The following PPFIBP1 variants were observed in gnomAD, a reference collection of about 807,000 sequenced individuals.
The protein encoded by PPFIBP1 is liprin-beta-1.
In PPFIBP1, 112 loss-of-function variants were observed where a neutral mutation model predicts 137.8. The ratio of observed to expected loss-of-function variants is 0.81; its 90% confidence interval spans 0.70 to 0.95. PPFIBP1 has a LOEUF of 0.95. Among genes scored for constraint, PPFIBP1 ranks in the 40% least tolerant of loss-of-function variants. The pLI, the probability that PPFIBP1 is intolerant of heterozygous loss-of-function variation, is 0.00. For missense variants in PPFIBP1, 1,083 were observed against 1,196.6 expected (o/e 0.91, Z 1.40); for synonymous variants, 378 against 417.3 (o/e 0.91, Z 1.15).
At chr12:27,624,957 T>C (rs528396682) in intron 2 of PPFIBP1, among the ~76,000 whole-genome samples, 82 of 152,318 alleles carry the variant, frequency 5.4e-4, no homozygotes, top group African/African-American at 1.9e-3. Flanking sequence ...TATGGAAAGC[T>C]TCAAATATAT....
intron 2 of PPFIBP1, among the ~76,000 whole-genome samples, chr12:27,589,811 ATCTT>A (rs2052272751): frequency 6.6e-6 from 1 of 152,186 alleles, no homozygotes; most frequent in South Asian, 2.1e-4. Context: ...AAGATATGTC[ATCTT>A]TCTTTCAGGC....
rs1459703320 is a variant in PPFIBP1, at chr12:27,599,553, TTTCA to T, written c.-36+21316_-36+21319del. ...TCCTGCCTTCCTTCCTTCCTTTTTCTTTCATCTTTCTCCTTCCTTCCTTTCATCC... is the reference window on the plus strand; with the variant it reads ...TCCTGCCTTCCTTCCTTCCTTTTTCTTCTTTCTCCTTCCTTCCTTTCATCC... On this transcript the variant is annotated intron_variant, in intron 2 of 29. Coordinates refer to ENST00000228425, the MANE Select transcript of PPFIBP1 (RefSeq NM_003622.4). 5 of 454,154 alleles carry T rather than the reference TTTCA, an allele frequency of 1.1e-5. No homozygotes were observed. In the East Asian group the frequency reaches 2.8e-4, roughly 25 times the overall value. 28.1% of individuals were successfully genotyped at this position (454,154 alleles called of 1,614,324 possible).
At chr12:27,619,765 A>G (rs2056147995) in intron 2 of PPFIBP1, among the ~76,000 whole-genome samples, 1 of 152,184 alleles carries the variant, frequency 6.6e-6, no homozygotes, top group African/African-American at 2.4e-5. Context: ...ACATAGGTGT[A>G]TGTATTTGTC....
intron 1 of PPFIBP1, among the ~76,000 whole-genome samples, chr12:27,574,099 C>A (rs1438332618): frequency 6.6e-6 from 1 of 152,052 alleles, no homozygotes; most frequent in Non-Finnish European, 1.5e-5. Flanking sequence ...ATCATATAAA[C>A]CTATCTTTCA....
At chr12:27,610,325 G>A (rs563738038) in intron 2 of PPFIBP1, among the ~76,000 whole-genome samples, 5 of 152,292 alleles carry the variant, frequency 3.3e-5, no homozygotes, top group Admixed American at 6.5e-5. Context: ...GACATTGTAT[G>A]TTTGCCTTTC....
chr12:27,620,316 G>A (rs1317596487), intron 2 of PPFIBP1, among the ~76,000 whole-genome samples: 1 of 152,126 alleles, frequency 6.6e-6, no homozygotes, highest in Non-Finnish European at 1.5e-5. Context: ...CACGCCTTCT[G>A]TGCCTCTGGG....
rs142750566 is a variant in PPFIBP1, at chr12:27,687,581, G to A, written c.2370+74G>A. ...GACTGTCCATGTGTCGAAACTAAGA[G>A]CCATTTTTCTTGGAGCCTGCAGGAA... On this transcript the variant is annotated intron_variant, in intron 25 of 29. Transcript: ENST00000228425. 3,960 of 1,491,452 alleles carry A rather than the reference G, an allele frequency of 2.7e-3. 11 individuals carry two copies. The highest frequency in any genetic ancestry group is 0.01 in the Middle Eastern group (42 of 4,118). The allele number at this position is 1,491,452 out of a possible 1,614,324, so 92.4% of individuals were successfully genotyped here.
At chr12:27,647,877 C>G (rs1472366722) in intron 6 of PPFIBP1, 35 bp downstream of exon 6, 2 of 1,587,122 alleles carry the variant, frequency 1.3e-6, no homozygotes, top group African/African-American at 2.7e-5. Flanking sequence ...ATGGGATTTC[C>G]CTGCTGAACT....
intron 2 of PPFIBP1, among the ~76,000 whole-genome samples, chr12:27,617,787 A>G (rs1404378440): frequency 6.6e-6 from 1 of 152,194 alleles, no homozygotes; most frequent in Non-Finnish European, 1.5e-5. Context: ...CTGACTATAT[A>G]TATGTATGTA....
At chr12:27,559,824 C>A (rs1047909823) in intron 1 of PPFIBP1, among the ~76,000 whole-genome samples, 2 of 152,180 alleles carry the variant, frequency 1.3e-5, no homozygotes, top group African/African-American at 4.8e-5. Context: ...GTGGAATAAA[C>A]CCTGCTATTT....
intron 7 of PPFIBP1, among the ~76,000 whole-genome samples, chr12:27,650,367 A>G (rs1406841396): frequency 2.0e-5 from 3 of 152,244 alleles, no homozygotes; most frequent in Non-Finnish European, 4.4e-5. Context: ...GACTTTTGAT[A>G]TGAAGTATTA....
intron 2 of PPFIBP1, chr12:27,594,142 C>A: frequency 7.7e-6 from 4 of 518,328 alleles, no homozygotes; most frequent in Non-Finnish European, 1.2e-5. Context: ...AATCATGGTA[C>A]TTAAGCAAAA....
At chr12:27,682,821 C>T in intron 24 of PPFIBP1, 118 bp downstream of exon 24, 3 of 1,519,224 alleles carry the variant, frequency 2.0e-6, no homozygotes, top group Non-Finnish European at 1.8e-6. Context: ...GAAGCTGTTG[C>T]TTGAACTTGA....
intron 4 of PPFIBP1, 37 bp from the exon 5 acceptor site, chr12:27,646,025 A>G (rs1301787490): frequency 7.1e-7 from 1 of 1,415,484 alleles, no homozygotes; most frequent in Non-Finnish European, 1.0e-6. Flanking sequence ...TCATTCTTAG[A>G]GAAGATCAGC....
chr12:27,601,332 T>C (rs1039653459), intron 2 of PPFIBP1, among the ~76,000 whole-genome samples: 5 of 152,206 alleles, frequency 3.3e-5, no homozygotes, highest in African/African-American at 1.2e-4. Context: ...TTTATAACGA[T>C]TATTTTTAGG....
chr12:27,670,939 G>A lies in PPFIBP1; in HGVS notation c.1147-492G>A, dbSNP rs548723869. Among the ~76,000 whole-genome samples, 65 of 152,014 alleles carry A rather than the reference G, an allele frequency of 4.3e-4. 1 individual carries two copies. Among genetic ancestry groups the A allele is most frequent in the African/African-American group, 1.3e-3 (56 of 41,496 alleles). On this transcript the variant is annotated intron_variant, in intron 13 of 29. Transcript: ENST00000228425. ...TGATGGATGCCTAGCGAAGTTATTT[G>A]CTAAGATCACCGATCACTTAGGCAA...
intron 3 of PPFIBP1, 39 bp downstream of exon 3, chr12:27,633,499 A>G: frequency 6.4e-7 from 1 of 1,551,710 alleles, no homozygotes; most frequent in Non-Finnish European, 8.8e-7. Context: ...CACAACATTT[A>G]CTCTCCTCAC....
intron 19 of PPFIBP1, among the ~76,000 whole-genome samples, chr12:27,678,876 A>AC (rs2060703102): frequency 2.8e-5 from 3 of 106,634 alleles, no homozygotes; most frequent in Admixed American, 9.1e-5. Context: ...AAAAAAAAAA[A>AC]AAAAACATTT....
chr12:27,691,465 G>T (rs1377911014), intron 27 of PPFIBP1, among the ~76,000 whole-genome samples: 3 of 152,166 alleles, frequency 2.0e-5, no homozygotes, highest in African/African-American at 7.2e-5. Context: ...TGTTTATCAC[G>T]GTGACTATTC....
Sources: allele counts gnomAD v4.1 joint callset (sites outside exome capture counted in the v4.1 genomes callset), GRCh38; gene constraint gnomAD v4.1.1; transcripts MANE v1.5; gene names NCBI Gene and HGNC (gene_info 2026-07-23, HGNC 2026-07-21).